Variants in CSMD3 observed in about 807,000 individuals in gnomAD.
The protein encoded by CSMD3 is CUB and Sushi multiple domains 3.
In CSMD3, 177 loss-of-function variants were observed where a neutral mutation model predicts 435.2. The observed-to-expected ratio is 0.41, with a 90% confidence interval of 0.36 to 0.46. CSMD3 has a LOEUF of 0.46. CSMD3 is among the 20% of genes least tolerant of loss of function. The pLI, the probability that CSMD3 is intolerant of heterozygous loss-of-function variation, is 0.34. For synonymous variants in CSMD3, 1,656 were observed against 1,520.5 expected, an observed-to-expected ratio of 1.09 and a Z score of -2.07; for missense variants, 4,265 against 4,504.6, an observed-to-expected ratio of 0.95 and a Z score of 1.52.
At chr8:113,309,967 A>G (rs920277512) in intron 2 of CSMD3, 3 of 152,230 alleles carry the variant, frequency 2.0e-5, no homozygotes, top group African/African-American at 4.8e-5. Context: ...GATGAACTGT[A>G]TAATAACAAA....
chr8:112,430,865 T>A lies in CSMD3; in HGVS notation c.5396-21833A>T, dbSNP rs140474954. On this transcript the variant is annotated intron_variant, in intron 32 of 70. Coordinates refer to ENST00000297405, the MANE Select transcript of CSMD3 (RefSeq NM_198123.2). ...CAGGTCAACAGAGGGAAAAGGGATTTAATTTAGTTGTTACGGGTGTTTGTG... is the reference window on the plus strand; with the variant it reads ...CAGGTCAACAGAGGGAAAAGGGATTAAATTTAGTTGTTACGGGTGTTTGTG... 8.3e-4 allele frequency among the ~76,000 whole-genome samples: 125 copies of A among 150,304 alleles called. No individual in the cohort carries two copies. The East Asian group carries it at 0.023, about 27-fold the overall frequency.
intron 24 of CSMD3, among the ~76,000 whole-genome samples, chr8:112,564,258 T>C (rs529132858): frequency 7.9e-5 from 12 of 151,740 alleles, no homozygotes; most frequent in African/African-American, 2.9e-4. Flanking sequence ...TCCCTTTCTA[T>C]AGGGAGGTTT....
At chr8:113,285,104 C>A (rs2093636661) in intron 2 of CSMD3, among the ~76,000 whole-genome samples, 1 of 152,072 alleles carries the variant, frequency 6.6e-6, no homozygotes, top group Admixed American at 6.6e-5. Flanking sequence ...TTGCACAATG[C>A]CCATGTAGGT....
chr8:112,661,907 T>C (rs991543722), intron 17 of CSMD3, among the ~76,000 whole-genome samples: 30 of 151,968 alleles, frequency 2.0e-4, no homozygotes, highest in African/African-American at 7.0e-4. Context: ...AATAATTAAA[T>C]CACTCTGCAT....
At chr8:112,844,041 T>G (rs898846099) in intron 11 of CSMD3, among the ~76,000 whole-genome samples, 1 of 151,918 alleles carries the variant, frequency 6.6e-6, no homozygotes, top group East Asian at 1.9e-4. Context: ...ATAAGCCACA[T>G]AAGTTTTCCA....
intron 32 of CSMD3, among the ~76,000 whole-genome samples, chr8:112,469,467 G>T (rs571038177): frequency 1.4e-5 from 2 of 146,964 alleles, no homozygotes; most frequent in Non-Finnish European, 2.9e-5. Flanking sequence ...TTTGACAGAC[G>T]TGCTAAATCA....
chr8:112,576,688 G>T (rs1341841262), intron 23 of CSMD3, among the ~76,000 whole-genome samples: 1 of 149,182 alleles, frequency 6.7e-6, no homozygotes, highest in East Asian at 2.0e-4. Flanking sequence ...ACCCCACCAA[G>T]CCTGGCTAAT....
chr8:113,003,252 T>A (rs190542039), intron 6 of CSMD3, among the ~76,000 whole-genome samples: 7,108 of 151,924 alleles, frequency 0.047, 222 homozygotes, highest in Non-Finnish European at 0.069. Flanking sequence ...TCTCAAAAAA[T>A]AAATAAATAA....
At chr8:113,223,294 A>G (rs899242374) in intron 3 of CSMD3, among the ~76,000 whole-genome samples, 1 of 150,538 alleles carries the variant, frequency 6.6e-6, no homozygotes, top group African/African-American at 2.4e-5. Flanking sequence ...ATTTTAATCT[A>G]GCATAATTTT....
intron 32 of CSMD3, among the ~76,000 whole-genome samples, chr8:112,421,620 A>G (rs1010955632): frequency 2.0e-5 from 3 of 147,340 alleles, no homozygotes; most frequent in African/African-American, 7.4e-5. Context: ...GTATATATAC[A>G]TATGTACACA....
At chr8:112,971,047 T>C (rs1328992644) in intron 7 of CSMD3, among the ~76,000 whole-genome samples, 1 of 152,160 alleles carries the variant, frequency 6.6e-6, no homozygotes, top group Non-Finnish European at 1.5e-5. Context: ...AGTTCAAATA[T>C]TCTCTGAGCA....
At chr8:113,091,351 T>C (rs981049381) in intron 5 of CSMD3, among the ~76,000 whole-genome samples, 1 of 152,114 alleles carries the variant, frequency 6.6e-6, no homozygotes, top group South Asian at 2.1e-4. Context: ...TTAGCATTAG[T>C]TCTCCTTTAA....
intron 2 of CSMD3, chr8:113,312,748 G>C (rs185080877): frequency 7.2e-5 from 11 of 152,162 alleles, no homozygotes; most frequent in Admixed American, 1.3e-4. Flanking sequence ...GGTATTATTT[G>C]CATTAACAAA....
At chr8:112,913,817 A>T (rs908220473) in intron 10 of CSMD3, among the ~76,000 whole-genome samples, 2 of 151,422 alleles carry the variant, frequency 1.3e-5, no homozygotes, top group African/African-American at 2.4e-5. Context: ...TCCTTTTTGA[A>T]TCCCTGCTTA....
intron 27 of CSMD3, among the ~76,000 whole-genome samples, chr8:112,519,358 T>C (rs1824040284): frequency 6.6e-6 from 1 of 152,180 alleles, no homozygotes; most frequent in South Asian, 2.1e-4. Context: ...AAGTGAATAA[T>C]AGGCTTATAT....
intron 27 of CSMD3, among the ~76,000 whole-genome samples, chr8:112,519,391 C>T (rs759357473): frequency 6.6e-6 from 1 of 151,978 alleles, no homozygotes; most frequent in East Asian, 1.9e-4. Context: ...AAATATAATT[C>T]GAGTTTGACC....
At chr8:112,885,403 T>C (rs1036970903) in intron 10 of CSMD3, among the ~76,000 whole-genome samples, 3 of 151,408 alleles carry the variant, frequency 2.0e-5, no homozygotes, top group Non-Finnish European at 4.4e-5. Context: ...TACGATGAAC[T>C]ATATGCTACT....
chr8:112,383,965 A>G (rs948890080), intron 36 of CSMD3, among the ~76,000 whole-genome samples: 9 of 152,202 alleles, frequency 5.9e-5, no homozygotes, highest in Admixed American at 5.9e-4. Context: ...CTAATGACTC[A>G]GTGCCAGGAA....
chr8:112,395,696 C>T (rs757144309), intron 35 of CSMD3, among the ~76,000 whole-genome samples: 1 of 152,016 alleles, frequency 6.6e-6, no homozygotes, highest in African/African-American at 2.4e-5. Context: ...TGCCTAAGGT[C>T]ATATATTGTC....
Sources: gnomAD v4.1 joint callset for allele counts (sites outside exome capture counted in the v4.1 genomes callset) on GRCh38, gnomAD v4.1.1 for gene constraint, MANE v1.5 for transcripts, NCBI Gene and HGNC (gene_info 2026-07-23, HGNC 2026-07-21) for gene names.